AMPD3: variants seen among roughly 807,000 people sequenced by gnomAD.
AMPD3 encodes the protein adenosine monophosphate deaminase 3, also known as AMP deaminase 3.
In AMPD3, 57 loss-of-function variants were observed where a neutral mutation model predicts 82.3. The ratio of observed to expected loss-of-function variants is 0.69; its 90% CI spans 0.56 to 0.86. The LOEUF is 0.86. Ranked by LOEUF, AMPD3 falls within the 40% of genes least tolerant of loss-of-function variation. The pLI is 0.00. For synonymous variants in AMPD3, 381 were observed against 394.7 expected (o/e 0.97, Z 0.41); for missense variants, 870 against 1,003.8 (o/e 0.87, Z 1.80).
At chr11:10,484,082 C>T (rs753972508) in intron 4 of AMPD3, 12 of 174,608 alleles carry the variant, frequency 6.9e-5, no homozygotes, top group Non-Finnish European at 1.4e-4. Flanking sequence ...TTTTCCTATA[C>T]ACACTATTGC....
Position 10,504,610 on chromosome 11 carries a change from T to C in AMPD3, c.2078T>C (p.Leu693Pro). The change falls in exon 14 of 15, where the codon CTG becomes CCG. Residue 693 changes from leucine to proline, a missense_variant. Coordinates refer to ENST00000396553, the MANE Select transcript of AMPD3 (RefSeq NM_001025389.2). ...GTGTGGAAGCTGAGCACCTGCGACC[T>C]GTGTGAGATCGCCAGGAACAGCGTG... ...AQVWKLSTCD[L>P]CEIARNSVLQ... is the part of the protein sequence containing the mutation. 1 of 1,614,206 alleles carries C rather than the reference T, an allele frequency of 6.2e-7. No homozygotes were observed. Among genetic ancestry groups the C allele is most frequent in the Middle Eastern group, 1.6e-4 (1 of 6,062 alleles).
At chr11:10,464,274 T>C (rs970209371) in intron 2 of AMPD3, among the ~76,000 whole-genome samples, 8 of 152,156 alleles carry the variant, frequency 5.3e-5, no homozygotes, top group Non-Finnish European at 1.2e-4. Flanking sequence ...GTAGGTTGGA[T>C]TCATTCTTTA....
At chr11:10,488,538 A>G (rs927421190) in intron 6 of AMPD3, 5 of 599,020 alleles carry the variant, frequency 8.3e-6, no homozygotes, top group African/African-American at 2.0e-5. Context: ...GAGCTCAGGC[A>G]TTGGGAGCGG....
At chr11:10,477,235 C>T in intron 2 of AMPD3, 1 of 426,820 alleles carries the variant, frequency 2.3e-6, no homozygotes, top group Non-Finnish European at 3.1e-6. Context: ...GAGGAGGGCT[C>T]TAGTGGGTCA....
intron 13 of AMPD3, 73 bp downstream of exon 13, chr11:10,502,967 C>A: frequency 6.5e-7 from 1 of 1,549,212 alleles, no homozygotes; most frequent in South Asian, 1.1e-5. Context: ...ATTTCAGGAA[C>A]CTGAGCCCAT....
intron 10 of AMPD3, among the ~76,000 whole-genome samples, chr11:10,497,439 G>A (rs1849443610): frequency 6.6e-6 from 1 of 152,222 alleles, no homozygotes. Context: ...CAGTCTGGGA[G>A]AGGCTTAACC....
At chr11:10,466,290 C>G (rs1483440471) in intron 2 of AMPD3, among the ~76,000 whole-genome samples, 1 of 151,870 alleles carries the variant, frequency 6.6e-6, no homozygotes, top group Admixed American at 6.6e-5. Context: ...TCCACTGGCT[C>G]AAAATTCTCA....
rs1184435386 is a variant in AMPD3, at chr11:10,495,753, G to A, written c.1430+20G>A. The A allele has an allele frequency of 6.2e-7, 1 of 1,613,756 alleles. No individual in the cohort carries two copies. ...GATTTAGTAAGTGAGGTGGCCCGCT[G>A]TCTACCCTGTGCCCTACAGAGGTGA... On this transcript the variant is annotated intron_variant, in intron 9 of 14. Transcript: ENST00000396553.
Position 10,504,563 on chromosome 11 carries a change from A to G in AMPD3, c.2031A>G (p.Glu677=), listed in dbSNP as rs1849664311. 1 of 1,614,218 alleles carries G rather than the reference A, an allele frequency of 6.2e-7. No individual in the cohort carries two copies. Among genetic ancestry groups the G allele is most frequent in the East Asian group, 2.2e-5 (1 of 44,886 alleles). The stretch of plus-strand genomic sequence containing the variant: ...GGAGGATCTAGGAAGCACTTATGGA[A>G]GAATATGCCATTGCAGCTCAAGTGT... ...QFHYTKEALM[E]EYAIAAQVWK... Residue 677 remains glutamate, a synonymous_variant, in exon 14 of 15, where the codon GAA becomes GAG. Transcript: ENST00000396553.
intron 2 of AMPD3, among the ~76,000 whole-genome samples, chr11:10,474,283 C>T (rs916605926): frequency 4.6e-5 from 7 of 152,172 alleles, no homozygotes; most frequent in Non-Finnish European, 1.0e-4. Context: ...GCTCATAGTA[C>T]ACATATGAGA....
chr11:10,501,462 T>C lies in AMPD3; in HGVS notation c.1722-8T>C. On this transcript the variant is annotated splice_region_variant and splice_polypyrimidine_tract_variant and intron_variant, in intron 11 of 14. Transcript: ENST00000396553. ...GCCTTCCTGATTCGGAAACCCCTTC[T>C]CTTACAGGGAGCGCGGCCTGAGCAC... 6.2e-7 allele frequency: 1 copy of C among 1,613,432 alleles called. No individual in the cohort carries two copies. The highest frequency in any genetic ancestry group is 8.5e-7 in the Non-Finnish European group (1 of 1,179,478).
intron 2 of AMPD3, among the ~76,000 whole-genome samples, chr11:10,472,089 A>G (rs1006282982): frequency 1.2e-4 from 19 of 152,374 alleles, no homozygotes; most frequent in Admixed American, 5.9e-4. Flanking sequence ...TATGGCACAT[A>G]TACACCATGG....
chr11:10,468,982 C>T (rs965752136), intron 2 of AMPD3, among the ~76,000 whole-genome samples: 2 of 152,156 alleles, frequency 1.3e-5, no homozygotes, highest in African/African-American at 4.8e-5. Context: ...CTCTGGGACA[C>T]ATTTAAAGCA....
intron 6 of AMPD3, among the ~76,000 whole-genome samples, chr11:10,492,346 T>C (rs1411117176): frequency 6.6e-6 from 1 of 152,218 alleles, no homozygotes; most frequent in Non-Finnish European, 1.5e-5. Flanking sequence ...CGGCTTCCAG[T>C]AGAGTGGCTT....
In AMPD3 at chr11:10,456,570, G is replaced by A; in HGVS notation, c.-6+1122G>A. On this transcript the variant is annotated intron_variant, in intron 1 of 14. Coordinates refer to ENST00000396553, the MANE Select transcript of AMPD3 (RefSeq NM_001025389.2). The surrounding 1 kb of genome is among the most constrained non-coding windows in gnomAD (Gnocchi z 4.3). ...CAGTGTTTTAGAACTTTCTAACTTT[G>A]GGACACTTCTTCAAGTTCATCAGAG... The A allele has an allele frequency of 1.1e-5, 11 of 985,446 alleles. No homozygotes were observed. Among genetic ancestry groups the A allele is most frequent in the Non-Finnish European group, 1.3e-5 (11 of 829,932 alleles). 61.0% of individuals were successfully genotyped at this position (985,446 alleles called of 1,614,324 possible). A position where few individuals can be genotyped will look rare whatever the true frequency, so the allele number is the denominator to read the frequency against.
intron 1 of AMPD3, chr11:10,455,959 C>CAGG (rs1848081041): frequency 1.0e-6 from 1 of 985,244 alleles, no homozygotes; most frequent in African/African-American, 1.7e-5. Flanking sequence ...ACTCAGCTTT[C>CAGG]AGGAGGAGGC....
rs780455568 is a variant in AMPD3 at position 10,487,255 on chromosome 11, G to A, written c.830G>A (p.Arg277Gln). The change falls in exon 6 of 15, where the codon CGA becomes CAA. Residue 277 changes from arginine to glutamine, a missense_variant. Transcript: ENST00000396553. The stretch of plus-strand genomic sequence containing the variant: ...TGCAGGAAAACCTATTGTCACCGGC[G>A]ACTGAACTTTCTGGAATCCAAGTTC... ...DGPTKTYCHRRLNFLESKFSL... is the reference protein window; with the variant it reads ...DGPTKTYCHRQLNFLESKFSL... The A allele has an allele frequency of 3.7e-6, 6 of 1,614,106 alleles. No individual in the cohort carries two copies. Among genetic ancestry groups the A allele is most frequent in the African/African-American group, 1.3e-5 (1 of 75,020 alleles).
At chr11:10,500,011 T>C in intron 10 of AMPD3, 75 bp from the exon 11 acceptor site, 1 of 1,596,942 alleles carries the variant, frequency 6.3e-7, no homozygotes. Context: ...CTGGCAGCTA[T>C]GAGCTCTGGG....
chr11:10,465,938 G>C (rs1394413886), intron 2 of AMPD3, among the ~76,000 whole-genome samples: 1 of 151,870 alleles, frequency 6.6e-6, no homozygotes, highest in Non-Finnish European at 1.5e-5. Context: ...TGGCTTGGCA[G>C]GTCCCAGCCC....
Sources: allele counts gnomAD v4.1 joint callset (sites outside exome capture counted in the v4.1 genomes callset), GRCh38; gene constraint gnomAD v4.1.1; non-coding constraint Gnocchi (gnomAD v3.1); transcripts MANE v1.5; gene names NCBI Gene and HGNC (gene_info 2026-07-23, HGNC 2026-07-21).